Variants in COMMD1 observed in about 807,000 individuals in gnomAD.
The protein encoded by COMMD1 is COMM domain-containing protein 1.
COMMD1 carries 10 observed loss-of-function variants against 17.2 expected under a neutral mutation model. That is an observed-to-expected ratio of 0.58 (90% CI 0.36 to 0.99). COMMD1 has a LOEUF of 0.99. Ranked by LOEUF, COMMD1 falls within the 50% of genes least tolerant of loss-of-function variation. The pLI is 0.01. For missense variants in COMMD1, 270 were observed against 231.8 expected (o/e 1.17, Z -1.07); for synonymous variants, 97 against 91.6 (o/e 1.06, Z -0.34).
chr2:62,012,258 AACACACACACATACACAC>A (rs1479355447), intron 2 of COMMD1, among the ~76,000 whole-genome samples: 12 of 102,330 alleles, frequency 1.2e-4, no homozygotes, highest in African/African-American at 4.8e-4. Flanking sequence ...CCTTGTCTCA[AACACACACACATACACAC>A]ACACACACAC....
At chr2:61,894,817 G>T (rs1045266541) in intron 1 of COMMD1, among the ~76,000 whole-genome samples, 1 of 151,790 alleles carries the variant, frequency 6.6e-6, no homozygotes, top group Non-Finnish European at 1.5e-5. Flanking sequence ...CTCTGCCTCA[G>T]ACTCCCAAGT....
At chr2:62,074,048 T>G (rs1025393735) in intron 2 of COMMD1, among the ~76,000 whole-genome samples, 1 of 152,128 alleles carries the variant, frequency 6.6e-6, no homozygotes, top group African/African-American at 2.4e-5. Flanking sequence ...CTTAACACTA[T>G]ACAAACCAGG....
intron 1 of COMMD1, among the ~76,000 whole-genome samples, chr2:61,891,372 A>C (rs1436831732): frequency 6.6e-6 from 1 of 152,214 alleles, no homozygotes; most frequent in African/African-American, 2.4e-5. Context: ...AATAAATGTT[A>C]AACATCGGCT....
chr2:61,968,069 G>T (rs964104642), intron 1 of COMMD1, among the ~76,000 whole-genome samples: 6 of 152,140 alleles, frequency 3.9e-5, no homozygotes, highest in Admixed American at 3.3e-4. Flanking sequence ...GCTGAGGCAG[G>T]AGAACTGCTT....
chr2:62,060,018 C>T (rs1468901249), intron 2 of COMMD1, among the ~76,000 whole-genome samples: 1 of 152,140 alleles, frequency 6.6e-6, no homozygotes, highest in African/African-American at 2.4e-5. Context: ...CTAGAGATTA[C>T]AATATACATT....
In COMMD1 at chr2:61,993,494, G is replaced by T. The variant is rs561661379; in HGVS notation, c.181-7207G>T. Among the ~76,000 whole-genome samples, 4 of 152,252 alleles carry T rather than the reference G, an allele frequency of 2.6e-5. No homozygotes were observed. In the South Asian group the frequency reaches 8.3e-4, roughly 32 times the overall value. ...AATCAGAATTTCTGGGATAATAGCT[G>T]GGCGCTGATATTTTAAAATTGTACT... On this transcript the variant is annotated intron_variant, in intron 1 of 2. Coordinates refer to ENST00000311832, the MANE Select transcript of COMMD1 (RefSeq NM_152516.4).
intron 2 of COMMD1, among the ~76,000 whole-genome samples, chr2:62,007,342 A>G (rs893641322): frequency 1.3e-5 from 2 of 152,194 alleles, no homozygotes; most frequent in Admixed American, 6.5e-5. Context: ...ACATTACAGA[A>G]TCAAAATAGG....
At chr2:61,888,529 G>C (rs1669316915), upstream of COMMD1, 1 of 1,606,572 alleles carries the variant, frequency 6.2e-7, no homozygotes, top group South Asian at 1.1e-5. Flanking sequence ...CTGTGTCTGG[G>C]TTGGCTCGGG....
chr2:62,063,130 T>C (rs561329737), intron 2 of COMMD1, among the ~76,000 whole-genome samples: 1 of 152,032 alleles, frequency 6.6e-6, no homozygotes, highest in African/African-American at 2.4e-5. Flanking sequence ...AGCAGGAGAA[T>C]CGCTTGAACC....
intron 2 of COMMD1, among the ~76,000 whole-genome samples, chr2:62,037,937 T>TA (rs1670082759): frequency 6.6e-6 from 1 of 152,198 alleles, no homozygotes; most frequent in African/African-American, 2.4e-5. Flanking sequence ...TTTTCACATA[T>TA]AAAACAGAAC....
At chr2:62,001,142 C>A in intron 2 of COMMD1, 160 bp downstream of exon 2, 2 of 740,860 alleles carry the variant, frequency 2.7e-6, no homozygotes, top group Non-Finnish European at 4.5e-6. Flanking sequence ...TTTGGATACT[C>A]TCACTTGTGG....
At chr2:62,101,195 A>G (rs945807855) in intron 2 of COMMD1, among the ~76,000 whole-genome samples, 2 of 152,066 alleles carry the variant, frequency 1.3e-5, no homozygotes. Flanking sequence ...TCTCCCCTGC[A>G]TGCCAACCAA....
intron 1 of COMMD1, among the ~76,000 whole-genome samples, chr2:61,944,290 A>G (rs1670847094): frequency 6.6e-6 from 1 of 151,930 alleles, no homozygotes; most frequent in Non-Finnish European, 1.5e-5. Flanking sequence ...TGTCTCTACA[A>G]AAAGTACAAA....
intron 1 of COMMD1, among the ~76,000 whole-genome samples, chr2:61,907,966 G>C (rs1380780293): frequency 6.6e-6 from 1 of 152,120 alleles, no homozygotes; most frequent in Non-Finnish European, 1.5e-5. Context: ...GGGATTACAG[G>C]TGTGAGCCAC....
chr2:61,976,710 A>C (rs572374381), intron 1 of COMMD1, among the ~76,000 whole-genome samples: 1 of 152,226 alleles, frequency 6.6e-6, no homozygotes, highest in Non-Finnish European at 1.5e-5. Context: ...AAAGGGAGAG[A>C]TGAAGAGGTG....
intron 2 of COMMD1, among the ~76,000 whole-genome samples, chr2:62,125,172 AG>A (rs1672854045): frequency 6.6e-6 from 1 of 152,212 alleles, no homozygotes; most frequent in African/African-American, 2.4e-5. Flanking sequence ...GTCCTTTTCT[AG>A]GAGATTGTGA....
At chr2:62,019,064 C>G (rs981418240) in intron 2 of COMMD1, among the ~76,000 whole-genome samples, 5 of 111,800 alleles carry the variant, frequency 4.5e-5, no homozygotes. Flanking sequence ...CTTTCTTTCT[C>G]TCTCTCTTTC....
At chr2:61,924,401 A>G in intron 1 of COMMD1, among the ~76,000 whole-genome samples, 1 of 119,212 alleles carries the variant, frequency 8.4e-6, no homozygotes, top group African/African-American at 3.2e-5. Flanking sequence ...GAGAGGGGGG[A>G]AGAGAGAGGT....
chr2:61,964,345 C>T (rs574450962), intron 1 of COMMD1, among the ~76,000 whole-genome samples: 2 of 152,114 alleles, frequency 1.3e-5, no homozygotes, highest in Non-Finnish European at 1.5e-5. Flanking sequence ...CTCATACTCT[C>T]TAGTAACTGG....
Sources: allele counts gnomAD v4.1 joint callset (sites outside exome capture counted in the v4.1 genomes callset), GRCh38; gene constraint gnomAD v4.1.1; transcripts MANE v1.5; gene names NCBI Gene and HGNC (gene_info 2026-07-23, HGNC 2026-07-21).